PHACTR3: variants seen among roughly 807,000 people sequenced by gnomAD.
PHACTR3 encodes phosphatase and actin regulator 3, also known as protein phosphatase 1, regulatory subunit 123.
Under a neutral mutation model 66.8 loss-of-function variants are expected in PHACTR3, and 16 were observed. That is an observed-to-expected ratio of 0.24 (90% CI 0.16 to 0.36). PHACTR3 has a LOEUF of 0.36. Among genes scored for constraint, PHACTR3 ranks in the 10% least tolerant of loss-of-function variants. PHACTR3 has a pLI of 1.00. For synonymous variants in PHACTR3, 323 were observed against 292.1 expected (o/e 1.11, Z -1.08); for missense variants, 647 against 719.9 (o/e 0.90, Z 1.16).
At chr20:59,815,148 T>C (rs944904636) in intron 8 of PHACTR3, among the ~76,000 whole-genome samples, 2 of 152,156 alleles carry the variant, frequency 1.3e-5, no homozygotes, top group Admixed American at 6.5e-5. Context: ...AAGCCCAGAC[T>C]GTTCTCCCAG....
intron 1 of PHACTR3, among the ~76,000 whole-genome samples, chr20:59,651,456 C>T (rs954168556): frequency 2.6e-5 from 4 of 152,088 alleles, no homozygotes; most frequent in African/African-American, 9.7e-5. Context: ...TTGCCATTAC[C>T]AGCTAGCCAT....
chr20:59,842,768 C>G (rs911333951), intron 11 of PHACTR3, among the ~76,000 whole-genome samples: 5 of 152,126 alleles, frequency 3.3e-5, no homozygotes, highest in African/African-American at 1.2e-4. Context: ...GTGCCCTAAG[C>G]ATGTGCTTGG....
At chr20:59,684,448 C>T (rs913525025) in intron 1 of PHACTR3, among the ~76,000 whole-genome samples, 1 of 152,144 alleles carries the variant, frequency 6.6e-6, no homozygotes, top group Admixed American at 6.5e-5. Flanking sequence ...TTTGCAGAAC[C>T]TTCTCTTTGT....
intron 1 of PHACTR3, among the ~76,000 whole-genome samples, chr20:59,693,800 C>A (rs2037195375): frequency 6.6e-6 from 1 of 152,188 alleles, no homozygotes; most frequent in Admixed American, 6.5e-5. Context: ...ACTCAACCCT[C>A]TTCTGTACTC....
chr20:59,801,054 CAT>C (rs1340048612), intron 7 of PHACTR3, among the ~76,000 whole-genome samples: 2 of 152,198 alleles, frequency 1.3e-5, no homozygotes, highest in South Asian at 4.1e-4. Flanking sequence ...CTCAGAGTCA[CAT>C]ATTAATCCAC....
At chr20:59,628,748 T>G (rs1175656576) in intron 1 of PHACTR3, 1 of 985,410 alleles carries the variant, frequency 1.0e-6, no homozygotes, top group African/African-American at 1.7e-5. Context: ...AAGGATGGAT[T>G]TGTGGGACCC....
At chr20:59,845,674 T>C (rs984753215) in intron 12 of PHACTR3, among the ~76,000 whole-genome samples, 1 of 152,148 alleles carries the variant, frequency 6.6e-6, no homozygotes, top group African/African-American at 2.4e-5. Context: ...CTATCGTAAA[T>C]TATTAGTCAC....
intron 1 of PHACTR3, among the ~76,000 whole-genome samples, chr20:59,643,338 G>A (rs373923646): frequency 2.6e-5 from 4 of 152,124 alleles, no homozygotes; most frequent in South Asian, 2.1e-4. Context: ...CCCATTTGTA[G>A]GAACTACTTT....
chr20:59,601,962 G>A (rs771954525), upstream of PHACTR3, among the ~76,000 whole-genome samples: 3 of 152,178 alleles, frequency 2.0e-5, no homozygotes, highest in Non-Finnish European at 4.4e-5. Flanking sequence ...GGTGGAGTAG[G>A]TGAATGGGTG....
intron 1 of PHACTR3, among the ~76,000 whole-genome samples, chr20:59,711,583 A>G (rs2146647054): frequency 6.6e-6 from 1 of 152,302 alleles, no homozygotes; most frequent in South Asian, 2.1e-4. Context: ...TACCTAATCT[A>G]CTGAACATCA....
chr20:59,627,447 G>A (rs910010115), intron 1 of PHACTR3, among the ~76,000 whole-genome samples: 24 of 152,362 alleles, frequency 1.6e-4, no homozygotes, highest in South Asian at 4.1e-4. Context: ...GACTCCAAGC[G>A]TTCCAGCCTG....
chr20:59,633,112 C>T (rs1040760960), intron 1 of PHACTR3, among the ~76,000 whole-genome samples: 3 of 152,176 alleles, frequency 2.0e-5, no homozygotes, highest in African/African-American at 7.2e-5. Context: ...CTGTCACACT[C>T]CCAGTGACAC....
At chr20:59,723,995 C>G (rs943341033) in intron 1 of PHACTR3, among the ~76,000 whole-genome samples, 1 of 152,100 alleles carries the variant, frequency 6.6e-6, no homozygotes, top group African/African-American at 2.4e-5. Context: ...TGTGTGAAGG[C>G]TCTGATTTCT....
At chr20:59,625,355 G>T (rs969567211) in intron 1 of PHACTR3, among the ~76,000 whole-genome samples, 18 of 152,004 alleles carry the variant, frequency 1.2e-4, no homozygotes, top group African/African-American at 4.4e-4. Flanking sequence ...GGTTTGCCCG[G>T]CAGGCAGCTG....
chr20:59,696,484 C>T (rs2037301364), intron 1 of PHACTR3, among the ~76,000 whole-genome samples: 1 of 152,096 alleles, frequency 6.6e-6, no homozygotes, highest in Non-Finnish European at 1.5e-5. Flanking sequence ...GGACCTGTGT[C>T]ATCCCTGAGT....
In PHACTR3 at chr20:59,773,319, C is replaced by G; in HGVS notation, c.792C>G (p.Ala264=). 1.2e-6 allele frequency: 2 copies of G among 1,614,120 alleles called. No homozygotes were observed. Among genetic ancestry groups the G allele is most frequent in the Non-Finnish European group, 8.5e-7 (1 of 1,180,010 alleles). Residue 264 remains alanine (A), a synonymous_variant, in exon 6 of 13, where the codon GCC becomes GCG. Transcript: ENST00000371015. ...TLFQASSMKS[A]DPSLRGQLST... is the part of the protein sequence containing the mutation. ...TCCAAGCCTCCAGCATGAAGAGTGCCGACCCTTCCCTCCGGGGCCAGCTCT... is the reference window on the plus strand; with the variant it reads ...TCCAAGCCTCCAGCATGAAGAGTGCGGACCCTTCCCTCCGGGGCCAGCTCT...
In PHACTR3 at chr20:59,667,413, T is replaced by C. The variant is rs369483291; in HGVS notation, c.118+62281T>C. On this transcript the variant is annotated intron_variant, in intron 1 of 12. Transcript: ENST00000371015. ...CTCCCAACTAGCCCGTCTCATTGTC[T>C]CATTTATTGACTTCTCCCACTTGCC... Among the ~76,000 whole-genome samples the C allele has an allele frequency of 2.0e-5, 3 of 152,238 alleles. No homozygotes were observed. The East Asian group carries it at 5.8e-4, about 29-fold the overall frequency.
chr20:59,832,696 C>G (rs6100617), intron 8 of PHACTR3, among the ~76,000 whole-genome samples: 3,077 of 152,298 alleles, frequency 0.02, 123 homozygotes, highest in African/African-American at 0.068. Flanking sequence ...CTCTCTCCAG[C>G]GATGCCAGGC....
At chr20:59,648,224 T>G in intron 1 of PHACTR3, among the ~76,000 whole-genome samples, 1 of 152,208 alleles carries the variant, frequency 6.6e-6, no homozygotes, top group East Asian at 1.9e-4. Flanking sequence ...CACTGCCTGG[T>G]TCTCTGCTGG....
Sources: gnomAD v4.1 joint callset for allele counts (sites outside exome capture counted in the v4.1 genomes callset) on GRCh38, gnomAD v4.1.1 for gene constraint, MANE v1.5 for transcripts, NCBI Gene and HGNC (gene_info 2026-07-23, HGNC 2026-07-21) for gene names.